The following APC variants were observed in gnomAD, a reference collection of about 807,000 sequenced individuals.
The protein encoded by APC is adenomatous polyposis coli protein.
APC carries 72 observed loss-of-function variants against 247.0 expected under a neutral mutation model. The observed-to-expected ratio is 0.29, with a 90% CI of 0.24 to 0.35. The LOEUF is 0.35. APC is among the 10% of genes least tolerant of loss of function. APC has a pLI of 1.00. For missense variants in APC, 3,400 were observed against 3,360.7 expected, an observed-to-expected ratio of 1.01 and a Z score of -0.29; for synonymous variants, 1,254 against 1,162.5, an observed-to-expected ratio of 1.08 and a Z score of -1.60.
intron 8 of APC, among the ~76,000 whole-genome samples, chr5:112,814,501 T>C (rs1011246016): frequency 6.6e-6 from 1 of 152,194 alleles, no homozygotes; most frequent in Non-Finnish European, 1.5e-5. Context: ...TCCAGTCAAG[T>C]TACTCAAGCC....
At chr5:112,791,349 T>C (rs1759561627) in intron 6 of APC, among the ~76,000 whole-genome samples, 1 of 151,994 alleles carries the variant, frequency 6.6e-6, no homozygotes, top group Non-Finnish European at 1.5e-5. Context: ...GGCTGAAAAA[T>C]ACTACTAACT....
chr5:112,811,525 G>C (rs1761982702), intron 8 of APC, among the ~76,000 whole-genome samples: 1 of 152,142 alleles, frequency 6.6e-6, no homozygotes, highest in Admixed American at 6.6e-5. Flanking sequence ...GTACCTCTTG[G>C]TATCTCCTAA....
Position 112,843,400 on chromosome 5 carries a change from A to G in APC, c.7806A>G (p.Lys2602=), listed in dbSNP as rs1766571534. 4 of 1,613,376 alleles carry G rather than the reference A, an allele frequency of 2.5e-6. No individual in the cohort carries two copies. Among genetic ancestry groups the G allele is most frequent in the Non-Finnish European group, 3.4e-6 (4 of 1,179,640 alleles). Reference sequence around the variant, plus strand: ...CTATTTCAGGAACCAAACAAAGTAAAGAAAACCAAGTATCCGCAAAAGGAA... The same window carrying G: ...CTATTTCAGGAACCAAACAAAGTAAGGAAAACCAAGTATCCGCAAAAGGAA... ...VNSISGTKQS[K]ENQVSAKGTW... The change falls in exon 16 of 16, where the codon AAA becomes AAG. Residue 2602 remains lysine (K), a synonymous_variant. Coordinates refer to ENST00000257430, the MANE Select transcript of APC (RefSeq NM_000038.6). The surrounding 1 kb of genome is among the most constrained non-coding windows in gnomAD (Gnocchi z 4.8).
In APC at chr5:112,842,035, A is replaced by G. The variant is rs1321804619; in HGVS notation, c.6441A>G (p.Pro2147=). The G allele has an allele frequency of 1.2e-6, 2 of 1,613,444 alleles. No individual in the cohort carries two copies. Among genetic ancestry groups the G allele is most frequent in the South Asian group, 2.2e-5 (2 of 91,070 alleles). Reference sequence around the variant, plus strand: ...AATCAGGAATCTCTCTGGGATCACCATTTCATCTTACACCTGATCAAGAAG... The same window carrying G: ...AATCAGGAATCTCTCTGGGATCACCGTTTCATCTTACACCTGATCAAGAAG... The part of the protein sequence containing the change: ...SLKSGISLGS[P]FHLTPDQEEK... Residue 2147 remains proline (P), a synonymous_variant, in exon 16 of 16, where the codon CCA becomes CCG. Transcript: ENST00000257430.
chr5:112,844,004 C>G lies in APC; in HGVS notation c.8410C>G (p.Gln2804Glu), dbSNP rs1554089117. The stretch of plus-strand genomic sequence containing the variant: ...AGATAGCACTTCAGCTCGGCCATCT[C>G]AGATCCCAACTCCAGTGAATAACAA... ...SADSTSARPSQIPTPVNNNTK... is the reference protein window; with the variant it reads ...SADSTSARPSEIPTPVNNNTK... The change falls in exon 16 of 16, where the codon CAG (glutamine) becomes GAG (glutamate). Residue 2804 changes from glutamine (Q) to glutamate (E), a missense_variant. Gln to Glu is a conservative substitution (Grantham distance 29, BLOSUM62 2). Transcript: ENST00000257430. The G allele has an allele frequency of 6.2e-7, 1 of 1,601,370 alleles. No homozygotes were observed. Among genetic ancestry groups the G allele is most frequent in the South Asian group, 1.1e-5 (1 of 88,598 alleles).
intron 1 of APC, among the ~76,000 whole-genome samples, chr5:112,718,192 A>G (rs139163831): frequency 0.016 from 2,388 of 151,616 alleles, 34 homozygotes; most frequent in Middle Eastern, 0.024. Context: ...GTTATTTTTC[A>G]GTTTGTGTCT....
At chr5:112,806,639 G>A (rs1226343626) in intron 8 of APC, among the ~76,000 whole-genome samples, 1 of 151,948 alleles carries the variant, frequency 6.6e-6, no homozygotes, top group Non-Finnish European at 1.5e-5. Context: ...GCACAGTGGT[G>A]CAATCTCGGC....
chr5:112,818,825 CGGTTTTT>C, intron 9 of APC, 134 bp from the exon 10 acceptor site: 2 of 905,572 alleles, frequency 2.2e-6, no homozygotes, highest in East Asian at 2.6e-5. Context: ...AAAGGTTTTC[CGGTTTTT>C]TGTTTTTTTT....
In APC at chr5:112,757,259, A is replaced by G. The variant is rs186793786; in HGVS notation, c.135+2234A>G. Among the ~76,000 whole-genome samples the G allele has an allele frequency of 8.1e-4, 124 of 152,230 alleles. 1 individual carries two copies. The South Asian group carries it at 0.012, about 15-fold the overall frequency. On this transcript the variant is annotated intron_variant, in intron 2 of 15. Transcript: ENST00000257430. Reference sequence around the variant, plus strand: ...TGTGAAAGAGCATAAACCATGAGCTATTTATTTTGTCTTAGAATATTGTTT... The same window carrying G: ...TGTGAAAGAGCATAAACCATGAGCTGTTTATTTTGTCTTAGAATATTGTTT...
At chr5:112,767,079 T>G (rs1756415136) in intron 3 of APC, 110 bp from the exon 4 acceptor site, 1 of 1,006,874 alleles carries the variant, frequency 9.9e-7, no homozygotes, top group South Asian at 1.5e-5. Flanking sequence ...CATGTATATT[T>G]GTGGTTAAAA....
intron 14 of APC, among the ~76,000 whole-genome samples, chr5:112,834,550 G>A (rs925953749): frequency 1.3e-5 from 2 of 152,018 alleles, no homozygotes; most frequent in African/African-American, 2.4e-5. Flanking sequence ...GCCACATGCC[G>A]GGCCTTAATC....
rs6899169 is a variant in APC, at chr5:112,835,400, A to G, written c.1958+235A>G. On this transcript the variant is annotated intron_variant, in intron 15 of 15. Transcript: ENST00000257430. ...AAATTATAGTTGAGAGGTGTAGCCC[A>G]TAGGTGGAGGAAAAAATAGTCACAA... 0.056 allele frequency among the ~76,000 whole-genome samples: 8,526 copies of G among 152,166 alleles called. 440 individuals carry two copies. Among genetic ancestry groups the G allele is most frequent in the East Asian group, 0.15 (800 of 5,172 alleles).
Position 112,837,634 on chromosome 5 carries a change from A to T in APC, c.2040A>T (p.Ala680=). The change falls in exon 16 of 16, where the codon GCA becomes GCT. Residue 680 remains alanine, a synonymous_variant. Transcript: ENST00000257430. The part of the protein sequence containing the change: ...KSHSLTIVSN[A]CGTLWNLSAR... ...ATAGTTTGACAATAGTCAGTAATGC[A>T]TGTGGAACTTTGTGGAATCTCTCAG... 6.2e-7 allele frequency: 1 copy of T among 1,613,696 alleles called. No homozygotes were observed. The highest frequency in any genetic ancestry group is 8.5e-7 in the Non-Finnish European group (1 of 1,179,576).
In APC at chr5:112,838,471, T is replaced by A. The variant is rs1580628428; in HGVS notation, c.2877T>A (p.Ser959=). The A allele has an allele frequency of 6.2e-7, 1 of 1,614,202 alleles. No homozygotes were observed. Among genetic ancestry groups the A allele is most frequent in the Non-Finnish European group, 8.5e-7 (1 of 1,180,048 alleles). The change falls in exon 16 of 16, where the codon TCT becomes TCA. Residue 959 remains serine (S), a synonymous_variant. Transcript: ENST00000257430. The part of the protein sequence containing the change: ...MPYAKLEYKR[S]SNDSLNSVSS... The stretch of plus-strand genomic sequence containing the variant: ...ATGCCAAATTAGAATACAAGAGATC[T>A]TCAAATGATAGTTTAAATAGTGTCA...
intron 12 of APC, 36 bp from the exon 13 acceptor site, chr5:112,827,893 T>C (rs1367727151): frequency 6.3e-7 from 1 of 1,575,576 alleles, no homozygotes. Flanking sequence ...TCAAGTTGTC[T>C]TTTTAATGAT....
intron 9 of APC, 112 bp from the exon 10 acceptor site, chr5:112,818,854 G>GGGGT: frequency 1.6e-5 from 18 of 1,102,868 alleles, no homozygotes; most frequent in South Asian, 8.1e-5. Context: ...TGGCGGGGGG[G>GGGGT]GTTGTTTTGT....
At position 112,756,672 on chromosome 5, in the gene APC, A is replaced by G. The variant is rs534919804; in HGVS notation, c.135+1647A>G. Among the ~76,000 whole-genome samples the G allele has an allele frequency of 4.7e-4, 72 of 152,300 alleles. No homozygotes were observed. The South Asian group carries it at 0.011, about 23-fold the overall frequency. ...TTTGTTTAATTCCTTAAGCAATTCA[A>G]AACTCATATTTGAGAGACAATGTAA... On this transcript the variant is annotated intron_variant, in intron 2 of 15. Coordinates refer to ENST00000257430, the MANE Select transcript of APC (RefSeq NM_000038.6).
intron 1 of APC, among the ~76,000 whole-genome samples, chr5:112,740,985 C>G (rs771306987): frequency 3.9e-5 from 6 of 152,088 alleles, no homozygotes; most frequent in Non-Finnish European, 7.4e-5. Context: ...TTTGATCTCC[C>G]TTCTCCCCCT....
intron 6 of APC, among the ~76,000 whole-genome samples, chr5:112,789,318 C>A (rs142689225): frequency 1.4e-4 from 21 of 152,262 alleles, no homozygotes; most frequent in Non-Finnish European, 2.6e-4. Flanking sequence ...CATGTGGGTG[C>A]TCCAAAAGTT....
Sources: gnomAD v4.1 joint callset for allele counts (sites outside exome capture counted in the v4.1 genomes callset) on GRCh38, gnomAD v4.1.1 for gene constraint, Gnocchi (gnomAD v3.1) non-coding constraint, MANE v1.5 for transcripts, NCBI Gene and HGNC (gene_info 2026-07-23, HGNC 2026-07-21) for gene names.